MYO3A: variants seen among roughly 807,000 people sequenced by gnomAD.
The protein encoded by MYO3A is myosin IIIA.
A neutral mutation model predicts 192.7 loss-of-function variants in MYO3A; 180 were observed. That is an observed-to-expected ratio of 0.93 (90% CI 0.83 to 1.06). MYO3A has a LOEUF of 1.06. Among genes scored for constraint, MYO3A ranks in the 50% least tolerant of loss-of-function variants. MYO3A has a pLI of 0.00. For missense variants in MYO3A, 1,896 were observed against 1,905.0 expected, an observed-to-expected ratio of 1.00 and a Z score of 0.09; for synonymous variants, 628 against 645.3, an observed-to-expected ratio of 0.97 and a Z score of 0.41.
At chr10:26,113,153 A>G (rs1838293337) in intron 17 of MYO3A, among the ~76,000 whole-genome samples, 1 of 152,206 alleles carries the variant, frequency 6.6e-6, no homozygotes, top group Non-Finnish European at 1.5e-5. Context: ...TTGAATTTCC[A>G]TGAAATACTC....
At chr10:26,066,773 G>T (rs1447798441) in intron 10 of MYO3A, among the ~76,000 whole-genome samples, 2 of 152,190 alleles carry the variant, frequency 1.3e-5, no homozygotes, top group Non-Finnish European at 2.9e-5. Context: ...CATCCATGAA[G>T]TAAATTCTGT....
Position 26,212,097 on chromosome 10 carries a change from G to A in MYO3A, c.*134G>A, listed in dbSNP as rs371458138. Reference sequence around the variant, plus strand: ...CTGATCTCCGCAGAGGCTGCCTGCTGCGCTCGGCCCTCAAGTGCCCGGGCC... The same window carrying A: ...CTGATCTCCGCAGAGGCTGCCTGCTACGCTCGGCCCTCAAGTGCCCGGGCC... On this transcript the variant is annotated 3_prime_UTR_variant, in exon 35 of 35. Transcript: ENST00000642920. 45 of 1,343,270 alleles carry A rather than the reference G, an allele frequency of 3.4e-5. No homozygotes were observed. The highest frequency in any genetic ancestry group is 5.4e-4 in the Middle Eastern group (2 of 3,716). 83.2% of individuals were successfully genotyped at this position (1,343,270 alleles called of 1,614,324 possible).
At chr10:26,169,127 G>A (rs970379701) in intron 28 of MYO3A, among the ~76,000 whole-genome samples, 10 of 152,110 alleles carry the variant, frequency 6.6e-5, no homozygotes, top group African/African-American at 2.2e-4. Context: ...TTGACCTATT[G>A]TGGAAGATAT....
chr10:26,043,974 T>C (rs1000443077), intron 10 of MYO3A, among the ~76,000 whole-genome samples: 1 of 152,212 alleles, frequency 6.6e-6, no homozygotes, highest in Non-Finnish European at 1.5e-5. Context: ...CATGGTGTAC[T>C]ATCTGGGTAT....
At chr10:26,097,550 T>C (rs1277304867) in intron 17 of MYO3A, among the ~76,000 whole-genome samples, 2 of 144,396 alleles carry the variant, frequency 1.4e-5, no homozygotes, top group African/African-American at 5.0e-5. Context: ...CCCCACCCCA[T>C]GACAGGCCCC....
At chr10:25,950,699 A>G (rs1164875744) in intron 2 of MYO3A, among the ~76,000 whole-genome samples, 1 of 152,184 alleles carries the variant, frequency 6.6e-6, no homozygotes, top group African/African-American at 2.4e-5. Flanking sequence ...CTTAGAGTCT[A>G]TCCTGAGGAA....
At chr10:26,064,450 C>A (rs1006367784) in intron 10 of MYO3A, among the ~76,000 whole-genome samples, 2 of 152,124 alleles carry the variant, frequency 1.3e-5, no homozygotes, top group African/African-American at 4.8e-5. Context: ...CACAGATGCA[C>A]AAATCATATG....
At chr10:26,044,603 T>G (rs1374423732) in intron 10 of MYO3A, among the ~76,000 whole-genome samples, 2 of 152,204 alleles carry the variant, frequency 1.3e-5, no homozygotes, top group Non-Finnish European at 2.9e-5. Flanking sequence ...TAACATGGTC[T>G]CTGTATATAA....
rs1168321224 is a variant in MYO3A at position 26,024,095 on chromosome 10, A to C, written c.797+8A>C. ...CAATGACTTCATAAGCAAGTGAGTA[A>C]AAACAGTCTTTTAAAAAACCAAAGA... On this transcript the variant is annotated splice_region_variant and intron_variant, in intron 9 of 34. Transcript: ENST00000642920. 7 of 1,610,398 alleles carry C rather than the reference A, an allele frequency of 4.3e-6. No homozygotes were observed. Among genetic ancestry groups the C allele is most frequent in the Non-Finnish European group, 5.9e-6 (7 of 1,176,922 alleles).
At chr10:26,178,552 CAA>C (rs764277960) in intron 31 of MYO3A, among the ~76,000 whole-genome samples, 8 of 101,596 alleles carry the variant, frequency 7.9e-5, no homozygotes, top group Admixed American at 1.0e-4. Flanking sequence ...GACTCTGTCT[CAA>C]AAAAAAAAAA....
intron 15 of MYO3A, among the ~76,000 whole-genome samples, chr10:26,092,451 G>A (rs1487928553): frequency 6.9e-6 from 1 of 143,906 alleles, no homozygotes; most frequent in Non-Finnish European, 1.5e-5. Flanking sequence ...GGGCAACACA[G>A]CAAGACTCTG....
intron 34 of MYO3A, among the ~76,000 whole-genome samples, chr10:26,209,049 CCTCT>C (rs1442718437): frequency 4.6e-5 from 7 of 152,176 alleles, no homozygotes; most frequent in Admixed American, 6.5e-5. Context: ...CAAACTTCCT[CCTCT>C]CTCCTCAAAC....
intron 17 of MYO3A, among the ~76,000 whole-genome samples, chr10:26,120,000 CAA>C (rs11372606): frequency 6.9e-4 from 87 of 126,104 alleles, no homozygotes; most frequent in African/African-American, 2.2e-3. Flanking sequence ...TATAAAATAC[CAA>C]AAAAAAAAAA....
intron 17 of MYO3A, among the ~76,000 whole-genome samples, chr10:26,119,242 G>T (rs905807298): frequency 8.6e-5 from 13 of 151,766 alleles, no homozygotes; most frequent in South Asian, 2.1e-4. Context: ...GCACTTTTTG[G>T]CTCTATTTTC....
At chr10:26,059,145 T>C (rs1397941793) in intron 10 of MYO3A, among the ~76,000 whole-genome samples, 2 of 152,210 alleles carry the variant, frequency 1.3e-5, no homozygotes, top group African/African-American at 4.8e-5. Flanking sequence ...AAGATAGTTT[T>C]ATTTCTTTCT....
intron 2 of MYO3A, among the ~76,000 whole-genome samples, chr10:25,951,703 C>A (rs1468459053): frequency 6.6e-6 from 1 of 152,084 alleles, no homozygotes. Context: ...TTATAAAATG[C>A]AAGATCTGCT....
intron 32 of MYO3A, chr10:26,200,791 T>A (rs1843644158): frequency 6.6e-6 from 1 of 152,332 alleles, no homozygotes; most frequent in African/African-American, 2.4e-5. Context: ...GTTTATGAAG[T>A]CACAATTCCA....
intron 10 of MYO3A, among the ~76,000 whole-genome samples, chr10:26,059,936 A>C (rs1378722280): frequency 2.0e-5 from 3 of 152,212 alleles, no homozygotes; most frequent in Non-Finnish European, 2.9e-5. Context: ...AGCCTGGCCA[A>C]AGTGGTGAAA....
chr10:26,109,696 T>G (rs1231689230), intron 17 of MYO3A, among the ~76,000 whole-genome samples: 2 of 152,302 alleles, frequency 1.3e-5, no homozygotes, highest in East Asian at 3.9e-4. Flanking sequence ...AAGTAAACTT[T>G]TCTAGTATGG....
Sources: gnomAD v4.1 joint callset for allele counts (sites outside exome capture counted in the v4.1 genomes callset) on GRCh38, gnomAD v4.1.1 for gene constraint, MANE v1.5 for transcripts, NCBI Gene and HGNC (gene_info 2026-07-23, HGNC 2026-07-21) for gene names.